Variants in MED26 observed in about 807,000 individuals in gnomAD.
MED26 encodes mediator of RNA polymerase II transcription subunit 26.
Under a neutral mutation model 43.7 loss-of-function variants are expected in MED26, and 7 were observed. That is an observed-to-expected ratio of 0.16 (90% confidence interval 0.09 to 0.30). MED26 has a LOEUF of 0.30. Among genes scored for constraint, MED26 ranks in the 10% least tolerant of loss-of-function variants. The pLI, the probability that MED26 is intolerant of heterozygous loss-of-function variation, is 1.00. For missense variants in MED26, 784 were observed against 840.6 expected (o/e 0.93, Z 0.83); for synonymous variants, 375 against 371.1 (o/e 1.01, Z -0.12).
chr19:16,583,168 T>C (rs972953061), intron 1 of MED26, among the ~76,000 whole-genome samples: 4 of 152,254 alleles, frequency 2.6e-5, no homozygotes, highest in African/African-American at 7.2e-5. Context: ...CGATGGCCAA[T>C]TGCAGCCTCT....
At chr19:16,614,991 C>T (rs959005089) in intron 1 of MED26, among the ~76,000 whole-genome samples, 1 of 152,110 alleles carries the variant, frequency 6.6e-6, no homozygotes, top group Non-Finnish European at 1.5e-5. Flanking sequence ...GGACCCACAT[C>T]CATTTGTAAA....
intron 1 of MED26, among the ~76,000 whole-genome samples, chr19:16,613,023 A>G (rs2086206661): frequency 6.6e-6 from 1 of 152,098 alleles, no homozygotes; most frequent in South Asian, 2.1e-4. Flanking sequence ...GGGCTTATAC[A>G]TGTTTAGTAC....
At chr19:16,611,608 A>G (rs1229517029) in intron 1 of MED26, 1 of 152,106 alleles carries the variant, frequency 6.6e-6, no homozygotes, top group Non-Finnish European at 1.5e-5. Context: ...CCCAACCAAC[A>G]CAAGTGCTTC....
In MED26 at chr19:16,586,182, G is replaced by A. The variant is rs2086069835; in HGVS notation, c.73-7773C>T. 6.6e-6 allele frequency among the ~76,000 whole-genome samples: 1 copy of A among 152,258 alleles called. No individual in the cohort carries two copies. The highest frequency in any genetic ancestry group is 2.1e-4 in the South Asian group (1 of 4,838). On this transcript the variant is annotated intron_variant, in intron 1 of 2. Coordinates refer to ENST00000263390, the MANE Select transcript of MED26 (RefSeq NM_004831.5). The surrounding 1 kb of genome is among the most constrained non-coding windows in gnomAD (Gnocchi z 5.1). Reference sequence around the variant, plus strand: ...TCCCAAGGGTGCTGAGCCTGGGCAGGCCCAACCGGGCACAACTCGCACAGG... The same window carrying A: ...TCCCAAGGGTGCTGAGCCTGGGCAGACCCAACCGGGCACAACTCGCACAGG...
At chr19:16,592,929 G>T (rs1036533934) in intron 1 of MED26, among the ~76,000 whole-genome samples, 1 of 152,144 alleles carries the variant, frequency 6.6e-6, no homozygotes, top group Non-Finnish European at 1.5e-5. Flanking sequence ...ACAAGTCAAC[G>T]AAAATAACAA....
chr19:16,599,322 C>T (rs1599339770), intron 1 of MED26, among the ~76,000 whole-genome samples: 1 of 152,284 alleles, frequency 6.6e-6, no homozygotes, highest in East Asian at 1.9e-4. Context: ...AAACATGGAT[C>T]CTCTAACCCA....
At chr19:16,613,340 C>G (rs1164185141) in intron 1 of MED26, among the ~76,000 whole-genome samples, 1 of 152,164 alleles carries the variant, frequency 6.6e-6, no homozygotes, top group African/African-American at 2.4e-5. Context: ...AGCCTCCCTT[C>G]TCCACAAGAA....
chr19:16,609,338 G>T (rs200085081), intron 1 of MED26, among the ~76,000 whole-genome samples: 6 of 104,122 alleles, frequency 5.8e-5, no homozygotes, highest in African/African-American at 2.4e-4. Context: ...AAAAAAAAAA[G>T]AGAGAGAATA....
chr19:16,619,553 G>A lies in MED26; in HGVS notation c.72+8319C>T, dbSNP rs143474798. On this transcript the variant is annotated intron_variant, in intron 1 of 2. Coordinates refer to ENST00000263390, the MANE Select transcript of MED26 (RefSeq NM_004831.5). ...GCCCAGAGAGCCAATGTGACCAGGA[G>A]TGTGGGTGGGAAACAGAAGAGTGCA... 5.7e-3 allele frequency among the ~76,000 whole-genome samples: 867 copies of A among 152,312 alleles called. 10 individuals are homozygous for A. Among genetic ancestry groups the A allele is most frequent in the African/African-American group, 0.019 (786 of 41,568 alleles).
At chr19:16,615,573 C>A (rs891828190) in intron 1 of MED26, among the ~76,000 whole-genome samples, 2 of 152,054 alleles carry the variant, frequency 1.3e-5, no homozygotes, top group African/African-American at 4.8e-5. Flanking sequence ...ATGACAAAAC[C>A]CTGTTTCTAC....
chr19:16,589,451 C>CA (rs2086086193), intron 1 of MED26: 1 of 152,232 alleles, frequency 6.6e-6, no homozygotes, highest in Non-Finnish European at 1.5e-5. Context: ...GTTGGATGAA[C>CA]AAACTGCTGC....
intron 1 of MED26, among the ~76,000 whole-genome samples, chr19:16,622,016 G>A (rs934001179): frequency 6.6e-6 from 1 of 152,132 alleles, no homozygotes; most frequent in African/African-American, 2.4e-5. Flanking sequence ...AGGGAAAACT[G>A]TGCAATAATT....
At chr19:16,595,767 A>G (rs1224354412) in intron 1 of MED26, among the ~76,000 whole-genome samples, 6 of 152,238 alleles carry the variant, frequency 3.9e-5, no homozygotes. Flanking sequence ...TTGTTGCTAC[A>G]TAATCTTCAA....
At chr19:16,596,020 G>C (rs1479070715) in intron 1 of MED26, among the ~76,000 whole-genome samples, 3 of 151,938 alleles carry the variant, frequency 2.0e-5, no homozygotes, top group African/African-American at 7.2e-5. Flanking sequence ...TTTTCTTTTT[G>C]TTTTTCTTGA....
intron 1 of MED26, among the ~76,000 whole-genome samples, chr19:16,615,532 A>T (rs2086221614): frequency 6.6e-6 from 1 of 152,168 alleles, no homozygotes; most frequent in Admixed American, 6.5e-5. Flanking sequence ...GGATCACCTG[A>T]GGTCAGGAGT....
intron 1 of MED26, among the ~76,000 whole-genome samples, chr19:16,605,393 C>T (rs1398402542): frequency 6.6e-6 from 1 of 152,132 alleles, no homozygotes; most frequent in Non-Finnish European, 1.5e-5. Flanking sequence ...ACTGATGAGG[C>T]CAAAGGGGGT....
At chr19:16,620,493 C>T (rs989294339) in intron 1 of MED26, among the ~76,000 whole-genome samples, 1 of 152,258 alleles carries the variant, frequency 6.6e-6, no homozygotes, top group Non-Finnish European at 1.5e-5. Flanking sequence ...GCCCTGTTTA[C>T]AGTGAGAGCA....
intron 1 of MED26, among the ~76,000 whole-genome samples, chr19:16,615,710 C>T (rs1475526556): frequency 1.3e-5 from 2 of 151,282 alleles, no homozygotes; most frequent in Non-Finnish European, 2.9e-5. Context: ...TGCACCATTG[C>T]ACTCCAGCCT....
intron 1 of MED26, chr19:16,611,796 C>T (rs1275824696): frequency 6.6e-6 from 1 of 152,096 alleles, no homozygotes; most frequent in Non-Finnish European, 1.5e-5. Context: ...TGAAGCTTCT[C>T]CCATGCTGTT....
Sources: allele counts gnomAD v4.1 joint callset (sites outside exome capture counted in the v4.1 genomes callset), GRCh38; gene constraint gnomAD v4.1.1; non-coding constraint Gnocchi (gnomAD v3.1); transcripts MANE v1.5; gene names NCBI Gene and HGNC (gene_info 2026-07-23, HGNC 2026-07-21).